The following DLG2 variants were observed in gnomAD, a reference collection of about 807,000 sequenced individuals.
The protein encoded by DLG2 is disks large homolog 2.
DLG2 carries 45 observed loss-of-function variants against 132.5 expected under a neutral mutation model. The ratio of observed to expected loss-of-function variants is 0.34; its 90% CI spans 0.27 to 0.44. The LOEUF (loss-of-function observed/expected upper bound fraction) is 0.44, where lower values mean the gene tolerates loss of function less well. Among genes scored for constraint, DLG2 ranks in the 20% least tolerant of loss-of-function variants. DLG2 has a pLI of 1.00. For missense variants in DLG2, 1,045 were observed against 1,196.9 expected (o/e 0.87, Z 1.87); for synonymous variants, 424 against 419.6 (o/e 1.01, Z -0.13).
At chr11:85,010,801 C>T (rs1296755276) in intron 6 of DLG2, among the ~76,000 whole-genome samples, 3 of 152,072 alleles carry the variant, frequency 2.0e-5, no homozygotes, top group Admixed American at 2.0e-4. Flanking sequence ...AAAAAAGATG[C>T]TAATTGCTTT....
At position 83,850,157 on chromosome 11, in the gene DLG2, T is replaced by TGTGTGTGTGTGTGG. The variant is rs1161184342; in HGVS notation, c.1566-16388_1566-16387insCCACACACACACAC. On this transcript the variant is annotated intron_variant, in intron 16 of 27. Transcript: ENST00000376104. ...GTGTGTGTGTGTGTGTGTGTGTGTG[T>TGTGTGTGTGTGTGG]GTGTTTTTTTACTTGAGACGGAGTC... Among the ~76,000 whole-genome samples, 101 of 124,480 alleles carry TGTGTGTGTGTGTGG rather than the reference T, an allele frequency of 8.1e-4. 1 individual carries two copies. The highest frequency in any genetic ancestry group is 4.4e-3 in the African/African-American group (98 of 22,248). The allele number at this position is 124,480 out of a possible 152,430, so 81.7% of individuals were successfully genotyped here.
chr11:84,063,277 C>T (rs2096619774), intron 10 of DLG2, among the ~76,000 whole-genome samples: 3 of 152,164 alleles, frequency 2.0e-5, no homozygotes, highest in Non-Finnish European at 4.4e-5. Flanking sequence ...GTAATATCCG[C>T]AGATTAATTT....
intron 4 of DLG2, among the ~76,000 whole-genome samples, chr11:85,270,263 C>T (rs1021344378): frequency 2.0e-5 from 3 of 152,120 alleles, no homozygotes; most frequent in Non-Finnish European, 4.4e-5. Context: ...CTCATGAGAT[C>T]TGATGGTTTT....
At chr11:85,408,367 T>C (rs1034329904) in intron 3 of DLG2, among the ~76,000 whole-genome samples, 38 of 151,050 alleles carry the variant, frequency 2.5e-4, no homozygotes, top group Admixed American at 2.1e-3. Context: ...TATCTTCTAT[T>C]GTAAATTGTT....
chr11:84,698,983 G>A (rs1312595922), intron 6 of DLG2, among the ~76,000 whole-genome samples: 1 of 151,398 alleles, frequency 6.6e-6, no homozygotes, highest in African/African-American at 2.4e-5. Flanking sequence ...TCATCTTCTG[G>A]TGAATAAAAT....
At chr11:84,603,097 G>A (rs1221229612) in intron 6 of DLG2, among the ~76,000 whole-genome samples, 2 of 151,862 alleles carry the variant, frequency 1.3e-5, no homozygotes, top group African/African-American at 4.8e-5. Context: ...CATCAATCGA[G>A]CATCTTCTTT....
intron 3 of DLG2, among the ~76,000 whole-genome samples, chr11:85,436,241 T>C (rs140762979): frequency 1.6e-4 from 24 of 152,252 alleles, no homozygotes; most frequent in African/African-American, 4.8e-4. Flanking sequence ...ATTCAGGACA[T>C]AGGCATGGGC....
At chr11:83,977,248 A>AT (rs556251900) in intron 12 of DLG2, among the ~76,000 whole-genome samples, 4 of 151,752 alleles carry the variant, frequency 2.6e-5, no homozygotes, top group African/African-American at 9.7e-5. Flanking sequence ...CTTTTTGAGA[A>AT]TTTTTTTTGT....
chr11:85,030,568 G>A (rs1242122000), intron 6 of DLG2, among the ~76,000 whole-genome samples: 1 of 152,052 alleles, frequency 6.6e-6, no homozygotes, highest in African/African-American at 2.4e-5. Flanking sequence ...ATTGTTTACT[G>A]TTGCATTCAA....
chr11:85,350,347 A>G (rs2083189765), intron 3 of DLG2, among the ~76,000 whole-genome samples: 3 of 152,064 alleles, frequency 2.0e-5, no homozygotes, highest in African/African-American at 7.2e-5. Flanking sequence ...ATTTTCCCCC[A>G]TTCTGTAGGT....
chr11:84,615,335 G>A (rs2099602046), intron 6 of DLG2, among the ~76,000 whole-genome samples: 1 of 151,996 alleles, frequency 6.6e-6, no homozygotes, highest in African/African-American at 2.4e-5. Flanking sequence ...TACAGACATG[G>A]ACGCAAACAG....
At chr11:83,699,308 A>C (rs2082450007) in intron 18 of DLG2, among the ~76,000 whole-genome samples, 1 of 152,178 alleles carries the variant, frequency 6.6e-6, no homozygotes, top group South Asian at 2.1e-4. Flanking sequence ...CTATGGCACA[A>C]TTCACATTGG....
intron 6 of DLG2, among the ~76,000 whole-genome samples, chr11:84,971,730 T>C (rs550791698): frequency 6.6e-6 from 1 of 152,164 alleles, no homozygotes; most frequent in Non-Finnish European, 1.5e-5. Flanking sequence ...TCATGTTAAA[T>C]GACCTAGAGA....
intron 6 of DLG2, among the ~76,000 whole-genome samples, chr11:84,827,458 G>C (rs1329768555): frequency 1.3e-5 from 2 of 151,632 alleles, no homozygotes; most frequent in Admixed American, 1.3e-4. Context: ...AGGAAGCACA[G>C]AAGCAATTTA....
At chr11:85,105,574 C>A (rs1460038340) in intron 6 of DLG2, among the ~76,000 whole-genome samples, 1 of 151,878 alleles carries the variant, frequency 6.6e-6, no homozygotes, top group Non-Finnish European at 1.5e-5. Flanking sequence ...CCTGTGGCTA[C>A]CACCCGTATG....
intron 17 of DLG2, among the ~76,000 whole-genome samples, chr11:83,807,040 T>A (rs2046086535): frequency 1.3e-5 from 2 of 152,138 alleles, no homozygotes; most frequent in African/African-American, 4.8e-5. Flanking sequence ...CTCCAAGCAT[T>A]ACTGATTTCA....
chr11:84,506,392 T>C (rs2099241227), intron 7 of DLG2, among the ~76,000 whole-genome samples: 1 of 147,602 alleles, frequency 6.8e-6, no homozygotes, highest in African/African-American at 2.5e-5. Context: ...CTTAAAAGAG[T>C]CAGTAAAAGA....
intron 3 of DLG2, among the ~76,000 whole-genome samples, chr11:85,381,155 G>A (rs1167729269): frequency 6.6e-6 from 1 of 152,202 alleles, no homozygotes; most frequent in African/African-American, 2.4e-5. Context: ...GCACAGCCAT[G>A]CACTTAAAGT....
intron 18 of DLG2, among the ~76,000 whole-genome samples, chr11:83,755,133 G>A (rs1445103834): frequency 6.6e-6 from 1 of 150,998 alleles, no homozygotes; most frequent in Non-Finnish European, 1.5e-5. Flanking sequence ...AGAAGATTGT[G>A]TAAATAAAAT....
Sources: gnomAD v4.1 joint callset for allele counts (sites outside exome capture counted in the v4.1 genomes callset) on GRCh38, gnomAD v4.1.1 for gene constraint, MANE v1.5 for transcripts, NCBI Gene and HGNC (gene_info 2026-07-23, HGNC 2026-07-21) for gene names.